Variants in PRKG1 observed in about 807,000 individuals in gnomAD.
PRKG1 encodes cGMP-dependent protein kinase 1.
A neutral mutation model predicts 88.1 loss-of-function variants in PRKG1; 35 were observed. The ratio of observed to expected loss-of-function variants is 0.40; its 90% CI spans 0.30 to 0.53. PRKG1 has a LOEUF of 0.53. Among genes scored for constraint, PRKG1 ranks in the 20% least tolerant of loss-of-function variants. The probability of loss-of-function intolerance (pLI) is 0.59; values close to 1 mark genes in which losing one functional copy is unlikely to be tolerated. For synonymous variants in PRKG1, 303 were observed against 292.5 expected (o/e 1.04, Z -0.37); for missense variants, 540 against 839.8 (o/e 0.64, Z 4.41).
chr10:51,618,197 G>A (rs1321693693), intron 3 of PRKG1, among the ~76,000 whole-genome samples: 2 of 152,176 alleles, frequency 1.3e-5, no homozygotes, highest in Admixed American at 6.5e-5. Context: ...GCTGTAGAAA[G>A]CTTGTTTTAT....
intron 9 of PRKG1, among the ~76,000 whole-genome samples, chr10:52,188,051 A>G (rs1008135862): frequency 1.4e-4 from 22 of 151,920 alleles, no homozygotes; most frequent in Non-Finnish European, 2.6e-4. Flanking sequence ...GTGAGTTACA[A>G]ACCACTAGGG....
At chr10:51,315,088 G>T (rs1728033610) in intron 2 of PRKG1, among the ~76,000 whole-genome samples, 3 of 152,182 alleles carry the variant, frequency 2.0e-5, no homozygotes, top group African/African-American at 7.2e-5. Context: ...GCAATTAGGA[G>T]AAATGAGTAT....
intron 2 of PRKG1, among the ~76,000 whole-genome samples, chr10:51,383,027 C>G (rs963065969): frequency 9.9e-5 from 15 of 152,062 alleles, no homozygotes; most frequent in African/African-American, 3.6e-4. Flanking sequence ...TGTTCCTTGA[C>G]CAATTCACTA....
intron 7 of PRKG1, among the ~76,000 whole-genome samples, chr10:52,091,840 A>C (rs1245356028): frequency 6.6e-6 from 1 of 152,254 alleles, no homozygotes; most frequent in Non-Finnish European, 1.5e-5. Flanking sequence ...CTTAATGCAC[A>C]TTCATGGAAT....
At chr10:51,325,935 T>C (rs1272787589) in intron 2 of PRKG1, among the ~76,000 whole-genome samples, 1 of 152,138 alleles carries the variant, frequency 6.6e-6, no homozygotes, top group African/African-American at 2.4e-5. Flanking sequence ...GAAAGGGGTC[T>C]CCTTTTTGGT....
intron 2 of PRKG1, among the ~76,000 whole-genome samples, chr10:51,298,538 G>A (rs1488660578): frequency 6.6e-6 from 1 of 152,146 alleles, no homozygotes; most frequent in Non-Finnish European, 1.5e-5. Context: ...ATAAATGTTA[G>A]CTATTACACA....
chr10:51,758,455 C>G (rs2132522396), intron 3 of PRKG1, among the ~76,000 whole-genome samples: 1 of 152,234 alleles, frequency 6.6e-6, no homozygotes, highest in Admixed American at 6.5e-5. Context: ...GACCAACAGT[C>G]TAAGATGGGA....
chr10:52,275,330 C>A (rs1012275679), intron 12 of PRKG1, among the ~76,000 whole-genome samples: 5 of 152,146 alleles, frequency 3.3e-5, no homozygotes, highest in African/African-American at 1.2e-4. Context: ...AGGTTTAAGT[C>A]CTTAATCCAT....
At chr10:51,566,767 A>G (rs1412012848) in intron 3 of PRKG1, among the ~76,000 whole-genome samples, 1 of 152,048 alleles carries the variant, frequency 6.6e-6, no homozygotes, top group Non-Finnish European at 1.5e-5. Context: ...CCATATCTGT[A>G]AACAAAGATA....
At chr10:51,747,845 C>T (rs1413625670) in intron 3 of PRKG1, among the ~76,000 whole-genome samples, 1 of 152,110 alleles carries the variant, frequency 6.6e-6, no homozygotes, top group Non-Finnish European at 1.5e-5. Context: ...TCTTGGCTCA[C>T]TGCAACCTCC....
chr10:52,198,957 G>A (rs1839584897), intron 9 of PRKG1, among the ~76,000 whole-genome samples: 1 of 152,078 alleles, frequency 6.6e-6, no homozygotes, highest in Non-Finnish European at 1.5e-5. Flanking sequence ...GACTGCCACA[G>A]AGAAGTTAAC....
At chr10:51,728,766 T>C (rs973935947) in intron 3 of PRKG1, among the ~76,000 whole-genome samples, 17 of 152,272 alleles carry the variant, frequency 1.1e-4, no homozygotes, top group African/African-American at 4.1e-4. Flanking sequence ...AGGTGTACTT[T>C]AAGTGCAGGT....
intron 4 of PRKG1, among the ~76,000 whole-genome samples, chr10:51,846,212 G>A (rs746312151): frequency 1.3e-5 from 2 of 152,082 alleles, no homozygotes; most frequent in Non-Finnish European, 2.9e-5. Context: ...CCATCCCTTC[G>A]TAGACCAAAA....
chr10:51,558,037 A>T (rs1456022173), intron 3 of PRKG1, among the ~76,000 whole-genome samples: 1 of 152,088 alleles, frequency 6.6e-6, no homozygotes, highest in African/African-American at 2.4e-5. Context: ...TACTGAAAAT[A>T]ATATGTTTTG....
At chr10:51,144,541 C>G (rs1845895181) in intron 1 of PRKG1, among the ~76,000 whole-genome samples, 1 of 152,038 alleles carries the variant, frequency 6.6e-6, no homozygotes. Context: ...ATAATAATGA[C>G]TAATGTTATT....
chr10:51,530,328 A>G (rs1841987681), intron 3 of PRKG1, among the ~76,000 whole-genome samples: 2 of 152,180 alleles, frequency 1.3e-5, no homozygotes, highest in African/African-American at 4.8e-5. Flanking sequence ...TAAAATTATT[A>G]AAGGAAGAAA....
intron 1 of PRKG1, among the ~76,000 whole-genome samples, chr10:51,015,958 A>G (rs1228455020): frequency 4.6e-5 from 7 of 152,166 alleles, no homozygotes; most frequent in Non-Finnish European, 8.8e-5. Flanking sequence ...AAGCACTATG[A>G]TTGAAGCATG....
chr10:51,282,925 G>A (rs1175468742), intron 2 of PRKG1, among the ~76,000 whole-genome samples: 1 of 152,154 alleles, frequency 6.6e-6, no homozygotes, highest in African/African-American at 2.4e-5. Context: ...TGTGATTGAT[G>A]TTGAGGTTTG....
intron 7 of PRKG1, among the ~76,000 whole-genome samples, chr10:52,078,238 C>A (rs1369251611): frequency 1.3e-5 from 2 of 152,022 alleles, no homozygotes; most frequent in Non-Finnish European, 2.9e-5. Flanking sequence ...CATTGTATTA[C>A]CAAACACAAA....
Sources: gnomAD v4.1 joint callset for allele counts (sites outside exome capture counted in the v4.1 genomes callset) on GRCh38, gnomAD v4.1.1 for gene constraint, MANE v1.5 for transcripts, NCBI Gene and HGNC (gene_info 2026-07-23, HGNC 2026-07-21) for gene names.